The following SEC63 variants were observed in gnomAD, a reference collection of about 807,000 sequenced individuals.
The protein encoded by SEC63 is translocation protein SEC63 homolog.
SEC63 carries 56 observed loss-of-function variants against 116.2 expected under a neutral mutation model. That is an observed-to-expected ratio of 0.48 (90% CI 0.39 to 0.60). SEC63 has a LOEUF of 0.60. SEC63 is among the 20% of genes least tolerant of loss of function. The pLI is 0.00. For synonymous variants in SEC63, 273 were observed against 294.6 expected, an observed-to-expected ratio of 0.93 and a Z score of 0.75; for missense variants, 668 against 900.0, an observed-to-expected ratio of 0.74 and a Z score of 3.30.
At position 107,876,673 on chromosome 6, in the gene SEC63, A is replaced by AC; in HGVS notation, c.1936-12_1936-11insG. 4 of 1,269,214 alleles carry AC rather than the reference A, an allele frequency of 3.2e-6. No individual in the cohort carries two copies. The highest frequency in any genetic ancestry group is 4.3e-6 in the Non-Finnish European group (4 of 925,528). 78.6% of individuals were successfully genotyped at this position (1,269,214 alleles called of 1,614,324 possible). ...CCATTCTTGTTTTTCCTGGAAACAA[A>AC]AAAAAAAAAAAAAAAAGAAGAGGGG... On this transcript the variant is annotated splice_polypyrimidine_tract_variant and intron_variant, in intron 18 of 20. Coordinates refer to ENST00000369002, the MANE Select transcript of SEC63 (RefSeq NM_007214.5).
intron 1 of SEC63, among the ~76,000 whole-genome samples, chr6:107,941,877 C>T (rs960427946): frequency 1.7e-4 from 26 of 152,270 alleles, no homozygotes; most frequent in African/African-American, 6.0e-4. Flanking sequence ...AAGAGAAAAA[C>T]GGGACACATA....
At chr6:107,952,497 G>A (rs535637476) in intron 1 of SEC63, among the ~76,000 whole-genome samples, 20 of 152,074 alleles carry the variant, frequency 1.3e-4, no homozygotes, top group Non-Finnish European at 2.6e-4. Flanking sequence ...GTGGCTCACA[G>A]CTGTAATCCC....
At chr6:107,901,323 A>G (rs770009791) in intron 13 of SEC63, 47 bp downstream of exon 13, 1 of 1,570,326 alleles carries the variant, frequency 6.4e-7, no homozygotes, top group Non-Finnish European at 8.8e-7. Context: ...ATGAGAACCA[A>G]TCTATCAAAA....
At chr6:107,897,261 G>A (rs1786873260) in intron 14 of SEC63, among the ~76,000 whole-genome samples, 1 of 152,128 alleles carries the variant, frequency 6.6e-6, no homozygotes. Context: ...GAAAAAAAAT[G>A]TTATTTTTAT....
At chr6:107,914,856 A>G (rs1787363504) in intron 4 of SEC63, among the ~76,000 whole-genome samples, 1 of 151,846 alleles carries the variant, frequency 6.6e-6, no homozygotes, top group Non-Finnish European at 1.5e-5. Context: ...TCTATACAAT[A>G]CTCCCAGATT....
chr6:107,954,009 T>C (rs1336745400), intron 1 of SEC63, among the ~76,000 whole-genome samples: 5 of 151,930 alleles, frequency 3.3e-5, no homozygotes, highest in African/African-American at 9.7e-5. Flanking sequence ...ACAATGGCGG[T>C]TTTGTGGAAT....
intron 4 of SEC63, 112 bp downstream of exon 4, chr6:107,921,685 C>G: frequency 2.6e-6 from 2 of 763,926 alleles, no homozygotes; most frequent in Non-Finnish European, 4.7e-6. Flanking sequence ...CTCCTGGGCT[C>G]AAGCGATCCT....
intron 1 of SEC63, among the ~76,000 whole-genome samples, chr6:107,939,712 G>A (rs571436568): frequency 6.6e-6 from 1 of 151,662 alleles, no homozygotes; most frequent in South Asian, 2.1e-4. Flanking sequence ...CTCCAGCCCG[G>A]GTGAAAGTAC....
chr6:107,922,942 T>C (rs948389345), intron 3 of SEC63, among the ~76,000 whole-genome samples: 26 of 151,466 alleles, frequency 1.7e-4, no homozygotes, highest in African/African-American at 6.3e-4. Context: ...GGCTACTAAG[T>C]AAGAAGCTTG....
At chr6:107,917,408 G>A (rs1012669824) in intron 4 of SEC63, among the ~76,000 whole-genome samples, 1 of 151,980 alleles carries the variant, frequency 6.6e-6, no homozygotes, top group East Asian at 1.9e-4. Context: ...AGGGCCGCTG[G>A]GTTAGGGTCT....
rs777636230 is a variant in SEC63 at position 107,929,471 on chromosome 6, A to T, written c.168T>A (p.Cys56Ter). ...TTAATAACCGTAAACGATACCACATACACCTTCCATATACTTTTCTGATAT... is the reference window on the plus strand; with the variant it reads ...TTAATAACCGTAAACGATACCACATTCACCTTCCATATACTTTTCTGATAT... ...LKNIRKVYGR[C>*]MWYRLRLLKP... Residue 56 changes from cysteine (C) to a stop codon, truncating the protein, a stop_gained, in exon 2 of 21, where the codon TGT becomes TGA. Transcript: ENST00000369002. LOFTEE classifies it high-confidence loss of function. The T allele has an allele frequency of 6.2e-7, 1 of 1,600,958 alleles. No homozygotes were observed. Among genetic ancestry groups the T allele is most frequent in the Non-Finnish European group, 8.6e-7 (1 of 1,168,214 alleles).
chr6:107,939,725 G>T (rs1482591727), intron 1 of SEC63, among the ~76,000 whole-genome samples: 1 of 151,914 alleles, frequency 6.6e-6, no homozygotes, highest in Non-Finnish European at 1.5e-5. Context: ...GAAAGTACGA[G>T]ATTGTCTCAA....
At position 107,929,532 on chromosome 6, in the gene SEC63, T is replaced by C. The variant is rs1787752439; in HGVS notation, c.125-18A>G. 6.9e-7 allele frequency: 1 copy of C among 1,442,520 alleles called. No homozygotes were observed. The highest frequency in any genetic ancestry group is 9.8e-7 in the Non-Finnish European group (1 of 1,025,616). 89.4% of individuals were successfully genotyped at this position (1,442,520 alleles called of 1,614,324 possible). On this transcript the variant is annotated intron_variant, in intron 1 of 20. Transcript: ENST00000369002. ...AATTTGCTCTGTCAAGAAAGAAAAA[T>C]AAGATGAATTAAAAACCATTTTTCA...
intron 1 of SEC63, among the ~76,000 whole-genome samples, chr6:107,953,446 C>G (rs1770621164): frequency 7.2e-6 from 1 of 138,950 alleles, no homozygotes; most frequent in Non-Finnish European, 1.5e-5. Context: ...AGGTGAGGGG[C>G]ACCTCTGCCC....
At chr6:107,901,663 C>A (rs1208481148) in intron 12 of SEC63, 146 bp from the exon 13 acceptor site, 1 of 565,694 alleles carries the variant, frequency 1.8e-6, no homozygotes, top group Non-Finnish European at 3.1e-6. Flanking sequence ...TACAAAATAA[C>A]GATATGGCAT....
intron 1 of SEC63, among the ~76,000 whole-genome samples, chr6:107,947,110 G>A (rs1770494860): frequency 6.6e-6 from 1 of 152,084 alleles, no homozygotes; most frequent in African/African-American, 2.4e-5. Context: ...ACACAGCCTT[G>A]GTGACCTGGT....
intron 5 of SEC63, 42 bp downstream of exon 5, chr6:107,913,324 T>C: frequency 8.5e-7 from 1 of 1,180,668 alleles, no homozygotes. Flanking sequence ...TTTTATAATA[T>C]ATACCATATC....
intron 17 of SEC63, among the ~76,000 whole-genome samples, chr6:107,882,022 C>T (rs886578118): frequency 6.6e-6 from 1 of 152,158 alleles, no homozygotes; most frequent in African/African-American, 2.4e-5. Flanking sequence ...CAAAGTCAGG[C>T]CAGGGATATA....
chr6:107,936,932 T>C (rs1770260870), intron 1 of SEC63, among the ~76,000 whole-genome samples: 1 of 152,190 alleles, frequency 6.6e-6, no homozygotes, highest in African/African-American at 2.4e-5. Flanking sequence ...TCAGTGTCAA[T>C]TGTTGCCATC....
Sources: gnomAD v4.1 joint callset for allele counts (sites outside exome capture counted in the v4.1 genomes callset) on GRCh38, gnomAD v4.1.1 for gene constraint, MANE v1.5 for transcripts, NCBI Gene and HGNC (gene_info 2026-07-23, HGNC 2026-07-21) for gene names.